NRG3: variants seen among roughly 807,000 people sequenced by gnomAD.
NRG3 encodes the protein neuregulin 3.
NRG3 carries 31 observed loss-of-function variants against 66.9 expected under a neutral mutation model. The observed-to-expected ratio is 0.46, with a 90% CI of 0.35 to 0.63. The LOEUF (loss-of-function observed/expected upper bound fraction) is 0.63, where lower values mean the gene tolerates loss of function less well. Among genes scored for constraint, NRG3 ranks in the 20% least tolerant of loss-of-function variants. The pLI, the probability that NRG3 is intolerant of heterozygous loss-of-function variation, is 0.00. For synonymous variants in NRG3, 393 were observed against 359.4 expected (o/e 1.09, Z -1.06); for missense variants, 910 against 878.9 (o/e 1.04, Z -0.45).
intron 1 of NRG3, among the ~76,000 whole-genome samples, chr10:82,174,837 C>T (rs2072905457): frequency 6.6e-6 from 1 of 152,202 alleles, no homozygotes; most frequent in East Asian, 1.9e-4. Context: ...TCCTCAATCC[C>T]AGTTAGAATT....
chr10:82,963,653 C>T (rs1327218072), intron 6 of NRG3, among the ~76,000 whole-genome samples: 1 of 152,098 alleles, frequency 6.6e-6, no homozygotes, highest in Non-Finnish European at 1.5e-5. Flanking sequence ...GCACTCCAGC[C>T]TGGGTGACAG....
intron 2 of NRG3, among the ~76,000 whole-genome samples, chr10:82,692,728 C>T (rs1002786193): frequency 6.6e-6 from 1 of 152,224 alleles, no homozygotes; most frequent in Non-Finnish European, 1.5e-5. Context: ...GTGCAGTTCC[C>T]TCATCTGCAC....
At chr10:82,746,560 CCT>C (rs1338490050) in intron 3 of NRG3, among the ~76,000 whole-genome samples, 1 of 152,190 alleles carries the variant, frequency 6.6e-6, no homozygotes, top group Non-Finnish European at 1.5e-5. Context: ...GATGACACTT[CCT>C]CTCTGTCATC....
intron 1 of NRG3, among the ~76,000 whole-genome samples, chr10:81,989,520 A>G (rs1014091262): frequency 2.0e-5 from 3 of 152,192 alleles, no homozygotes; most frequent in African/African-American, 2.4e-5. Flanking sequence ...TACTATATTA[A>G]ATGTGGAGAA....
At chr10:82,699,552 C>CT (rs931722600) in intron 2 of NRG3, among the ~76,000 whole-genome samples, 6 of 151,330 alleles carry the variant, frequency 4.0e-5, no homozygotes, top group East Asian at 2.0e-4. Flanking sequence ...TTGGCCAATT[C>CT]TTTTTTTTTA....
intron 3 of NRG3, among the ~76,000 whole-genome samples, chr10:82,827,545 C>A (rs2062296595): frequency 6.6e-6 from 1 of 152,124 alleles, no homozygotes; most frequent in Non-Finnish European, 1.5e-5. Context: ...AAGAAAAAAC[C>A]CTTGTTCTGA....
intron 1 of NRG3, among the ~76,000 whole-genome samples, chr10:82,287,526 A>G (rs2079489460): frequency 6.6e-6 from 1 of 151,666 alleles, no homozygotes; most frequent in Admixed American, 6.6e-5. Context: ...GGAGGGTCAA[A>G]GAAGAGGAGG....
intron 1 of NRG3, among the ~76,000 whole-genome samples, chr10:81,881,668 A>T (rs1842193280): frequency 6.6e-6 from 1 of 152,198 alleles, no homozygotes; most frequent in Admixed American, 6.5e-5. Flanking sequence ...AAGTTTGTAA[A>T]AGTAATGGTT....
chr10:82,833,680 T>G (rs1290724548), intron 3 of NRG3, among the ~76,000 whole-genome samples: 1 of 152,206 alleles, frequency 6.6e-6, no homozygotes, highest in Non-Finnish European at 1.5e-5. Flanking sequence ...ACCACTGTGG[T>G]TAACCCTGCC....
intron 2 of NRG3, among the ~76,000 whole-genome samples, chr10:82,599,569 C>G (rs1382784692): frequency 6.6e-6 from 1 of 152,188 alleles, no homozygotes. Flanking sequence ...AATCTCAGCA[C>G]TTTGGGAGAC....
intron 1 of NRG3, among the ~76,000 whole-genome samples, chr10:81,947,408 C>T (rs1235428882): frequency 6.6e-6 from 1 of 152,116 alleles, no homozygotes; most frequent in African/African-American, 2.4e-5. Flanking sequence ...CAACTCACAA[C>T]AGTAACCAAA....
rs76383712 is a variant in NRG3, at chr10:82,355,244, T to C, written c.824-3495T>C. Among the ~76,000 whole-genome samples the C allele has an allele frequency of 4.7e-3, 720 of 152,348 alleles. 5 individuals carry two copies. Among genetic ancestry groups the C allele is most frequent in the African/African-American group, 0.017 (690 of 41,574 alleles). On this transcript the variant is annotated intron_variant, in intron 1 of 8. Coordinates refer to ENST00000372141, the MANE Select transcript of NRG3 (RefSeq NM_001010848.4). ...TTTTATAGTTTGGCATTAGATCTTATCCATGTTCTCATTCTCACAAATGTT... is the reference window on the plus strand; with the variant it reads ...TTTTATAGTTTGGCATTAGATCTTACCCATGTTCTCATTCTCACAAATGTT...
At chr10:82,618,004 C>G (rs781068312) in intron 2 of NRG3, among the ~76,000 whole-genome samples, 2 of 152,192 alleles carry the variant, frequency 1.3e-5, no homozygotes, top group African/African-American at 4.8e-5. Flanking sequence ...CACCTGTGAT[C>G]TATGTCCCCT....
chr10:82,163,254 C>G (rs1410491490), intron 1 of NRG3, among the ~76,000 whole-genome samples: 1 of 152,134 alleles, frequency 6.6e-6, no homozygotes, highest in Non-Finnish European at 1.5e-5. Flanking sequence ...GTGCCCACAA[C>G]TGAAGGAGTG....
At chr10:82,850,441 T>G (rs367896791) in intron 3 of NRG3, among the ~76,000 whole-genome samples, 4 of 152,256 alleles carry the variant, frequency 2.6e-5, no homozygotes, top group Admixed American at 6.5e-5. Context: ...GGGGGAAAGG[T>G]TTTATTTAAA....
At chr10:82,733,192 C>A (rs2058002707) in intron 2 of NRG3, among the ~76,000 whole-genome samples, 1 of 152,148 alleles carries the variant, frequency 6.6e-6, no homozygotes, top group Admixed American at 6.5e-5. Flanking sequence ...AGAGACCAGG[C>A]ACTATGCAGG....
At chr10:82,866,557 TCAATTC>T (rs1840759874) in intron 4 of NRG3, among the ~76,000 whole-genome samples, 1 of 152,180 alleles carries the variant, frequency 6.6e-6, no homozygotes, top group East Asian at 1.9e-4. Context: ...GGCAGACAGC[TCAATTC>T]CTGCAGGCTT....
At chr10:82,077,264 A>G (rs1391708684) in intron 1 of NRG3, among the ~76,000 whole-genome samples, 1 of 152,224 alleles carries the variant, frequency 6.6e-6, no homozygotes, top group African/African-American at 2.4e-5. Flanking sequence ...AAAACAAATC[A>G]TCAGCACTCT....
At chr10:82,610,455 A>G (rs558463282) in intron 2 of NRG3, among the ~76,000 whole-genome samples, 4 of 152,278 alleles carry the variant, frequency 2.6e-5, no homozygotes, top group East Asian at 1.9e-4. Flanking sequence ...AATAGGAATT[A>G]TACTGGATAT....
Sources: gnomAD v4.1 joint callset for allele counts (sites outside exome capture counted in the v4.1 genomes callset) on GRCh38, gnomAD v4.1.1 for gene constraint, MANE v1.5 for transcripts, NCBI Gene and HGNC (gene_info 2026-07-23, HGNC 2026-07-21) for gene names.